Variants in DBT observed in about 807,000 individuals in gnomAD.
The protein encoded by DBT is dihydrolipoamide branched chain transacylase E2.
Under a neutral mutation model 51.3 loss-of-function variants are expected in DBT, and 40 were observed. The observed-to-expected ratio is 0.78, with a 90% confidence interval of 0.61 to 1.02. The LOEUF is 1.02. Ranked by LOEUF, DBT falls within the 50% of genes least tolerant of loss-of-function variation. The pLI is 0.00. For missense variants in DBT, 510 were observed against 580.2 expected, an observed-to-expected ratio of 0.88 and a Z score of 1.24; for synonymous variants, 181 against 190.4, an observed-to-expected ratio of 0.95 and a Z score of 0.41.
intron 7 of DBT, chr1:100,211,212 T>A: frequency 1.4e-6 from 1 of 711,482 alleles, no homozygotes. Context: ...CACTGACCAG[T>A]AGATGCCAGT....
chr1:100,213,949 CA>C (rs758614475), intron 7 of DBT, among the ~76,000 whole-genome samples: 7,312 of 118,334 alleles, frequency 0.062, 170 homozygotes, highest in African/African-American at 0.071. Flanking sequence ...AGATTCATAC[CA>C]AAAAAAAAAA....
chr1:100,222,719 T>A (rs544851613), intron 4 of DBT, among the ~76,000 whole-genome samples: 1 of 152,346 alleles, frequency 6.6e-6, no homozygotes, highest in Admixed American at 6.5e-5. Context: ...ATTAGTTTTA[T>A]AAAGTATTCT....
chr1:100,210,854 G>A, intron 7 of DBT, 83 bp from the exon 8 acceptor site: 2 of 1,582,706 alleles, frequency 1.3e-6, no homozygotes, highest in Non-Finnish European at 1.7e-6. Flanking sequence ...GGTATAAAAG[G>A]AGGGAGAGAG....
rs749640899 is a variant in DBT, at chr1:100,189,217, T to G, written c.*7038A>C. The G allele has an allele frequency of 2.0e-5, 3 of 152,156 alleles. No individual in the cohort carries two copies. The highest frequency in any genetic ancestry group is 2.9e-5 in the Non-Finnish European group (2 of 68,090). The allele number at this position is 152,156 out of a possible 1,614,324, so 9.4% of individuals were successfully genotyped here. ...TTAGCCAGGCGTGATGGTGCATGCC[T>G]GTAATCTCAGCTACTTGGGAGTTGA... On this transcript the variant is annotated 3_prime_UTR_variant, in exon 11 of 11. Coordinates refer to ENST00000370132, the MANE Select transcript of DBT (RefSeq NM_001918.5).
intron 2 of DBT, among the ~76,000 whole-genome samples, chr1:100,236,240 C>T (rs1328356307): frequency 6.6e-6 from 1 of 152,104 alleles, no homozygotes; most frequent in African/African-American, 2.4e-5. Flanking sequence ...CTGGGACCAC[C>T]CACCACACCC....
intron 10 of DBT, among the ~76,000 whole-genome samples, chr1:100,197,982 T>G (rs1661206474): frequency 6.6e-6 from 1 of 152,194 alleles, no homozygotes; most frequent in East Asian, 1.9e-4. Context: ...AGAACTACAC[T>G]TCATGGCTTG....
At chr1:100,221,621 A>G (rs562357692) in intron 4 of DBT, among the ~76,000 whole-genome samples, 1 of 152,308 alleles carries the variant, frequency 6.6e-6, no homozygotes, top group East Asian at 1.9e-4. Context: ...TCACAGTCTA[A>G]TATGTGAGAT....
chr1:100,213,425 C>G, intron 7 of DBT: 2 of 1,584,156 alleles, frequency 1.3e-6, no homozygotes, highest in Non-Finnish European at 1.7e-6. Flanking sequence ...CTACTCCTAC[C>G]TCGTCACACG....
intron 8 of DBT, among the ~76,000 whole-genome samples, chr1:100,208,053 T>G (rs1661905858): frequency 6.6e-6 from 1 of 152,044 alleles, no homozygotes; most frequent in African/African-American, 2.4e-5. Context: ...GAGAATGGCA[T>G]GAACCCAGGA....
intron 10 of DBT, among the ~76,000 whole-genome samples, chr1:100,197,951 G>A (rs1350020008): frequency 6.6e-6 from 1 of 152,006 alleles, no homozygotes; most frequent in Non-Finnish European, 1.5e-5. Flanking sequence ...ATTATTTTAA[G>A]GGAATAAGAT....
intron 4 of DBT, among the ~76,000 whole-genome samples, chr1:100,226,661 C>T (rs941576515): frequency 1.3e-5 from 2 of 152,112 alleles, no homozygotes; most frequent in African/African-American, 4.8e-5. Flanking sequence ...GCCTCTTATT[C>T]ATTCTACACT....
chr1:100,188,870 C>G lies in DBT; in HGVS notation c.*7385G>C, dbSNP rs916977862. 6.6e-6 allele frequency: 1 copy of G among 152,284 alleles called. No homozygotes were observed. The highest frequency in any genetic ancestry group is 6.5e-5 in the Admixed American group (1 of 15,280). The allele number at this position is 152,284 out of a possible 1,614,324, so 9.4% of individuals were successfully genotyped here. On this transcript the variant is annotated 3_prime_UTR_variant, in exon 11 of 11. Transcript: ENST00000370132. Reference sequence around the variant, plus strand: ...TCCTGCTCAGTTTTAGCAAGCTGGCCTGGAGTTCTCTCACACGGTCTGGCT... The same window carrying G: ...TCCTGCTCAGTTTTAGCAAGCTGGCGTGGAGTTCTCTCACACGGTCTGGCT...
intron 8 of DBT, among the ~76,000 whole-genome samples, chr1:100,210,128 T>G (rs902287560): frequency 6.6e-6 from 1 of 151,684 alleles, no homozygotes; most frequent in Admixed American, 6.6e-5. Flanking sequence ...CTGGGCAACA[T>G]AATGAGACCA....
intron 4 of DBT, among the ~76,000 whole-genome samples, chr1:100,225,056 C>T (rs12731147): frequency 0.84 from 72,324 of 86,252 alleles, 31,220 homozygotes; most frequent in East Asian, 0.96. Context: ...TATATATACA[C>T]ACACACACAC....
rs868851901 is a variant in DBT at position 100,241,361 on chromosome 1, A to G, written c.52-477T>C. On this transcript the variant is annotated intron_variant, in intron 1 of 10. Transcript: ENST00000370132. ...ATATATCAAAACCTAAGTGTCTGAA[A>G]GGTATTGTGTGTGTGTGTGTGTGTG... 4.2e-5 allele frequency among the ~76,000 whole-genome samples: 5 copies of G among 120,352 alleles called. No homozygotes were observed. In the Admixed American group the frequency reaches 4.8e-4, roughly 12 times the overall value. 79.0% of individuals were successfully genotyped at this position (120,352 alleles called of 152,430 possible). A position where few individuals can be genotyped will look rare whatever the true frequency, so the allele number is the denominator to read the frequency against.
chr1:100,226,174 A>T (rs916577440), intron 4 of DBT, among the ~76,000 whole-genome samples: 1 of 152,042 alleles, frequency 6.6e-6, no homozygotes, highest in African/African-American at 2.4e-5. Flanking sequence ...GCCAAGAATG[A>T]AACACTCTTT....
At chr1:100,225,801 G>C (rs1570829825) in intron 4 of DBT, among the ~76,000 whole-genome samples, 2 of 135,836 alleles carry the variant, frequency 1.5e-5, no homozygotes, top group Admixed American at 1.7e-4. Context: ...CTCCAGCCTG[G>C]GAGACAGAGC....
chr1:100,214,855 G>A lies in DBT; in HGVS notation c.901C>T (p.Arg301Cys), dbSNP rs185492864. The A allele has an allele frequency of 2.8e-4, 451 of 1,613,930 alleles. 2 individuals carry two copies. Among genetic ancestry groups the A allele is most frequent in the Non-Finnish European group, 3.3e-4 (388 of 1,179,974 alleles). The change falls in exon 7 of 11, where the codon CGT (arginine) becomes TGT (cysteine). Residue 301 changes from arginine (R) to cysteine (C), a missense_variant. Transcript: ENST00000370132. ...REELKPIAFA[R>C]GIKLSFMPFF... Reference sequence around the variant, plus strand: ...GGCATAAAGGAGAGTTTAATTCCACGAGCAAATGCAATGGGTTTTAATTCT... The same window carrying A: ...GGCATAAAGGAGAGTTTAATTCCACAAGCAAATGCAATGGGTTTTAATTCT...
In DBT at chr1:100,196,184, C is replaced by T. The variant is rs76638061; in HGVS notation, c.*71G>A. The T allele has an allele frequency of 2.1e-4, 262 of 1,242,164 alleles. No homozygotes were observed. In the African/African-American group the frequency reaches 3.3e-3, roughly 16 times the overall value. The allele number at this position is 1,242,164 out of a possible 1,614,324, so 76.9% of individuals were successfully genotyped here. Reference sequence around the variant, plus strand: ...TTACAATATAAATTGTAAAGATGAACATGTGCTGGCACAGCTAGGGTTTAC... The same window carrying T: ...TTACAATATAAATTGTAAAGATGAATATGTGCTGGCACAGCTAGGGTTTAC... On this transcript the variant is annotated 3_prime_UTR_variant, in exon 11 of 11. Coordinates refer to ENST00000370132, the MANE Select transcript of DBT (RefSeq NM_001918.5).
Sources: allele counts gnomAD v4.1 joint callset (sites outside exome capture counted in the v4.1 genomes callset), GRCh38; gene constraint gnomAD v4.1.1; transcripts MANE v1.5; gene names NCBI Gene and HGNC (gene_info 2026-07-23, HGNC 2026-07-21).